NLGN1: variants seen among roughly 807,000 people sequenced by gnomAD.
NLGN1 encodes neuroligin 1, also known as neuroligin-1.
NLGN1 carries 12 observed loss-of-function variants against 65.5 expected under a neutral mutation model. The ratio of observed to expected loss-of-function variants is 0.18; its 90% CI spans 0.12 to 0.30. The LOEUF is 0.30. NLGN1 is among the 10% of genes least tolerant of loss of function. The pLI, the probability that NLGN1 is intolerant of heterozygous loss-of-function variation, is 1.00. For synonymous variants in NLGN1, 350 were observed against 359.5 expected (o/e 0.97, Z 0.30); for missense variants, 750 against 1,007.1 (o/e 0.74, Z 3.46).
At chr3:174,094,825 A>G (rs1745171878) in intron 4 of NLGN1, among the ~76,000 whole-genome samples, 1 of 151,428 alleles carries the variant, frequency 6.6e-6, no homozygotes, top group Non-Finnish European at 1.5e-5. Context: ...CACAGAGACT[A>G]TACTGTTTCT....
chr3:174,043,021 G>A (rs966431715), intron 4 of NLGN1, among the ~76,000 whole-genome samples: 7 of 152,174 alleles, frequency 4.6e-5, no homozygotes, highest in Admixed American at 2.6e-4. Flanking sequence ...AAAGCACCTC[G>A]TCACAGGATG....
intron 2 of NLGN1, among the ~76,000 whole-genome samples, chr3:173,573,044 C>T (rs896346319): frequency 1.3e-5 from 2 of 152,206 alleles, no homozygotes; most frequent in Admixed American, 6.5e-5. Context: ...AGAAGAACCC[C>T]TCAACTGTCC....
At chr3:173,718,341 A>G (rs1468444352) in intron 3 of NLGN1, among the ~76,000 whole-genome samples, 1 of 151,896 alleles carries the variant, frequency 6.6e-6, no homozygotes, top group African/African-American at 2.4e-5. Flanking sequence ...TCTACTCCCT[A>G]CCTCCATGAA....
intron 3 of NLGN1, among the ~76,000 whole-genome samples, chr3:173,728,967 A>G (rs1772324514): frequency 6.6e-6 from 1 of 152,098 alleles, no homozygotes; most frequent in African/African-American, 2.4e-5. Flanking sequence ...TATCTGAACT[A>G]CAGCAAATAA....
At chr3:173,514,777 G>A (rs1031485017) in intron 2 of NLGN1, among the ~76,000 whole-genome samples, 14 of 152,032 alleles carry the variant, frequency 9.2e-5, no homozygotes, top group African/African-American at 3.1e-4. Context: ...TCTGTGATTG[G>A]CTTATTTCAC....
rs527283861 is a variant in NLGN1, at chr3:173,664,361, A to G, written c.493+59270A>G. Among the ~76,000 whole-genome samples the G allele has an allele frequency of 2.0e-5, 3 of 152,190 alleles. No individual in the cohort carries two copies. The East Asian group carries it at 5.8e-4, about 29-fold the overall frequency. On this transcript the variant is annotated intron_variant, in intron 3 of 6. Coordinates refer to ENST00000457714, the Ensembl canonical transcript of NLGN1. ...TACCATCTCTTATCTTTTTACTGAG[A>G]TGATTCTTCCTAGTAATGAAGAATC... is the stretch of plus-strand genomic sequence containing the variant.
intron 1 of NLGN1, among the ~76,000 whole-genome samples, chr3:173,408,235 A>G (rs1392118065): frequency 1.3e-5 from 2 of 152,106 alleles, no homozygotes; most frequent in Non-Finnish European, 2.9e-5. Context: ...CCTTTTCAAC[A>G]TGGTACTCCA....
At chr3:173,614,949 T>C (rs1257530056) in intron 3 of NLGN1, among the ~76,000 whole-genome samples, 1 of 152,126 alleles carries the variant, frequency 6.6e-6, no homozygotes, top group African/African-American at 2.4e-5. Flanking sequence ...AAATTTGCAT[T>C]CTGAGGAGAA....
At chr3:174,029,694 G>C (rs1271624724) in intron 4 of NLGN1, among the ~76,000 whole-genome samples, 1 of 152,148 alleles carries the variant, frequency 6.6e-6, no homozygotes, top group Admixed American at 6.5e-5. Context: ...ACCTTGAATT[G>C]TAATAATCCC....
intron 2 of NLGN1, among the ~76,000 whole-genome samples, chr3:173,493,739 G>C (rs1333576381): frequency 6.6e-6 from 1 of 151,782 alleles, no homozygotes; most frequent in African/African-American, 2.4e-5. Context: ...AATGTAGGCA[G>C]TGTAGCACAA....
At chr3:174,241,254 G>GT (rs1408623362) in intron 4 of NLGN1, among the ~76,000 whole-genome samples, 1 of 151,714 alleles carries the variant, frequency 6.6e-6, no homozygotes, top group Non-Finnish European at 1.5e-5. Flanking sequence ...CGGAGTCATT[G>GT]TTTTTTTCTA....
intron 3 of NLGN1, among the ~76,000 whole-genome samples, chr3:173,765,480 T>C (rs185321330): frequency 6.6e-6 from 1 of 152,252 alleles, no homozygotes; most frequent in East Asian, 1.9e-4. Context: ...AAAAAATAAC[T>C]GGACTCCCTT....
intron 2 of NLGN1, among the ~76,000 whole-genome samples, chr3:173,488,461 T>A (rs1462443078): frequency 1.3e-5 from 2 of 152,140 alleles, no homozygotes; most frequent in African/African-American, 4.8e-5. Context: ...TTTCTTTCAA[T>A]GGCATTCTGT....
intron 4 of NLGN1, chr3:173,912,506 C>T (rs925829774): frequency 6.6e-6 from 1 of 152,146 alleles, no homozygotes; most frequent in Non-Finnish European, 1.5e-5. Flanking sequence ...CCTTATAAAT[C>T]ATATGTGCTA....
chr3:173,542,629 G>GT (rs1739083293), intron 2 of NLGN1, among the ~76,000 whole-genome samples: 1 of 151,968 alleles, frequency 6.6e-6, no homozygotes, highest in Admixed American at 6.6e-5. Context: ...AGAAACTTCT[G>GT]TTTTTTGTTT....
intron 4 of NLGN1, among the ~76,000 whole-genome samples, chr3:174,245,506 A>G (rs932422318): frequency 1.3e-5 from 2 of 152,168 alleles, no homozygotes; most frequent in African/African-American, 4.8e-5. Context: ...AATGAGTATC[A>G]TTTGGGAAAA....
intron 4 of NLGN1, among the ~76,000 whole-genome samples, chr3:174,009,050 G>GAGAT (rs1724999678): frequency 6.6e-6 from 1 of 152,102 alleles, no homozygotes; most frequent in Non-Finnish European, 1.5e-5. Flanking sequence ...CACAGTTCTG[G>GAGAT]AGATTGGGAG....
intron 2 of NLGN1, among the ~76,000 whole-genome samples, chr3:173,462,136 T>C (rs1398218402): frequency 6.6e-6 from 1 of 152,204 alleles, no homozygotes; most frequent in Admixed American, 6.5e-5. Context: ...ATAAAAGTCT[T>C]TCAAAGCTTG....
At chr3:174,208,078 G>A (rs7644407) in intron 4 of NLGN1, among the ~76,000 whole-genome samples, 78,774 of 151,902 alleles carry the variant, frequency 0.52, 21,105 homozygotes, top group East Asian at 0.77. Context: ...CCTTTTGGGG[G>A]CATGAATGGA....
Sources: allele counts gnomAD v4.1 joint callset (sites outside exome capture counted in the v4.1 genomes callset), GRCh38; gene constraint gnomAD v4.1.1; transcripts MANE v1.5; gene names NCBI Gene and HGNC (gene_info 2026-07-23, HGNC 2026-07-21).